OR1L3: variants seen among roughly 807,000 people sequenced by gnomAD.
OR1L3 encodes olfactory receptor family 1 subfamily L member 3.
For missense variants in OR1L3, 374 were observed against 386.4 expected (o/e 0.97, Z 0.27); for synonymous variants, 137 against 144.5 (o/e 0.95, Z 0.37).
Position 122,675,468 on chromosome 9 carries a change from T to C in OR1L3, c.339T>C (p.Tyr113=), listed in dbSNP as rs777895439. Residue 113 remains tyrosine (Y), a synonymous_variant, in exon 1 of 1, where the codon TAT becomes TAC. Transcript: ENST00000304820. ...TGGTTTTTGGAAACATAGATAGTTA[T>C]CTCCTGGCGGCTATGGCCATCAACC... The part of the protein sequence containing the change: ...FFLVFGNIDS[Y]LLAAMAINRC... The C allele has an allele frequency of 5.1e-5, 82 of 1,614,118 alleles. No individual in the cohort carries two copies. Among genetic ancestry groups the C allele is most frequent in the Non-Finnish European group, 6.5e-5 (77 of 1,180,048 alleles).
In OR1L3 at chr9:122,675,292, C is replaced by A; in HGVS notation, c.163C>A (p.Leu55Ile). Residue 55 changes from leucine to isoleucine, a missense_variant, in exon 1 of 1, where the codon CTT becomes ATT. Leu to Ile is a conservative substitution (Grantham distance 5). Transcript: ENST00000304820. ...IILAIHSDPR[L>I]QNPMYFFLSI... is the part of the protein sequence containing the mutation. ...CTTGGCTATCCACTCTGATCCTCGACTTCAAAACCCTATGTATTTTTTCCT... is the reference window on the plus strand; with the variant it reads ...CTTGGCTATCCACTCTGATCCTCGAATTCAAAACCCTATGTATTTTTTCCT... 3 of 1,614,176 alleles carry A rather than the reference C, an allele frequency of 1.9e-6. No homozygotes were observed. Among genetic ancestry groups the A allele is most frequent in the Non-Finnish European group, 1.7e-6 (2 of 1,180,022 alleles).
In OR1L3 at chr9:122,675,524, A is replaced by T; in HGVS notation, c.395A>T (p.Tyr132Phe). 3 of 1,614,178 alleles carry T rather than the reference A, an allele frequency of 1.9e-6. No individual in the cohort carries two copies. The highest frequency in any genetic ancestry group is 1.7e-6 in the Non-Finnish European group (2 of 1,180,018). Residue 132 changes from tyrosine to phenylalanine, a missense_variant, in exon 1 of 1, where the codon TAT becomes TTT. By Grantham distance (22) the Tyr-to-Phe change is conservative. Transcript: ENST00000304820. ...GTAGCCATTTGTAACCCATTCCATT[A>T]TGTCACTGTTATGAACCGCAGATGC... is the stretch of plus-strand genomic sequence containing the variant. ...RCVAICNPFHYVTVMNRRCCV... is the reference protein window; with the variant it reads ...RCVAICNPFHFVTVMNRRCCV...
In OR1L3 at chr9:122,675,412, G is replaced by A; in HGVS notation, c.283G>A (p.Ala95Thr). 1 of 1,614,204 alleles carries A rather than the reference G, an allele frequency of 6.2e-7. No individual in the cohort carries two copies. The highest frequency in any genetic ancestry group is 8.5e-7 in the Non-Finnish European group (1 of 1,180,034). ...ATCAGAGAAAAAGACCATTTCCTAT[G>A]CTGAATGTCTGGCACAGATGTATTT... ...FLSEKKTISY[A>T]ECLAQMYFFL... is the part of the protein sequence containing the mutation. The change falls in exon 1 of 1, where the codon GCT becomes ACT. Residue 95 changes from alanine to threonine, a missense_variant. Coordinates refer to ENST00000304820, the MANE Select transcript of OR1L3 (RefSeq NM_001005234.1).
At position 122,675,854 on chromosome 9, in the gene OR1L3, G is replaced by T; in HGVS notation, c.725G>T (p.Ser242Ile). The change falls in exon 1 of 1, where the codon AGC becomes ATC. Residue 242 changes from serine to isoleucine, a missense_variant. Transcript: ENST00000304820. ...AGKHKAFSTC[S>I]SHLTVVILFY... is the part of the protein sequence containing the mutation. ...AAACACAAAGCCTTCTCCACCTGCA[G>T]CTCCCATCTCACTGTGGTGATTCTG... The T allele has an allele frequency of 6.2e-7, 1 of 1,614,122 alleles. No individual in the cohort carries two copies. Among genetic ancestry groups the T allele is most frequent in the South Asian group, 1.1e-5 (1 of 91,072 alleles).
Position 122,675,458 on chromosome 9 carries a change from T to C in OR1L3, c.329T>C (p.Ile110Thr), listed in dbSNP as rs776030536. 2.5e-6 allele frequency: 4 copies of C among 1,614,210 alleles called. No individual in the cohort carries two copies. The highest frequency in any genetic ancestry group is 1.1e-5 in the South Asian group (1 of 91,092). The change falls in exon 1 of 1, where the codon ATA (isoleucine) becomes ACA (threonine). Residue 110 changes from isoleucine to threonine, a missense_variant. By Grantham distance (89) the Ile-to-Thr change is moderately conservative (BLOSUM62 -1). Transcript: ENST00000304820. Reference sequence around the variant, plus strand: ...TATTTCTTCCTGGTTTTTGGAAACATAGATAGTTATCTCCTGGCGGCTATG... The same window carrying C: ...TATTTCTTCCTGGTTTTTGGAAACACAGATAGTTATCTCCTGGCGGCTATG... ...QMYFFLVFGN[I>T]DSYLLAAMAI...
chr9:122,676,068 G>A lies in OR1L3; in HGVS notation c.939G>A (p.Arg313=). ...LINKIKSQMS[R]FSTKTNKICG... ...ACAAGATTAAGTCTCAAATGAGTAG[G>A]TTCTCTACAAAGACCAATAAAATCT... Residue 313 remains arginine, a synonymous_variant, in exon 1 of 1, where the codon AGG becomes AGA. Transcript: ENST00000304820. 1 of 1,598,030 alleles carries A rather than the reference G, an allele frequency of 6.3e-7. No homozygotes were observed. The highest frequency in any genetic ancestry group is 8.5e-7 in the Non-Finnish European group (1 of 1,174,748).
rs1830637825 is a variant in OR1L3, at chr9:122,675,333, T to G, written c.204T>G (p.Phe68Leu). 1 of 1,614,236 alleles carries G rather than the reference T, an allele frequency of 6.2e-7. No individual in the cohort carries two copies. The highest frequency in any genetic ancestry group is 2.2e-5 in the East Asian group (1 of 44,884). ...PMYFFLSILSFADICYTTVIV... is the reference protein window; with the variant it reads ...PMYFFLSILSLADICYTTVIV... ...ATTTTTTCCTAAGCATCTTGTCCTTTGCTGATATTTGCTACACAACAGTCA... is the reference window on the plus strand; with the variant it reads ...ATTTTTTCCTAAGCATCTTGTCCTTGGCTGATATTTGCTACACAACAGTCA... The change falls in exon 1 of 1, where the codon TTT becomes TTG. Residue 68 changes from phenylalanine (F) to leucine (L), a missense_variant. Transcript: ENST00000304820.
At position 122,676,037 on chromosome 9, in the gene OR1L3, T is replaced by A. The variant is rs1459983638; in HGVS notation, c.908T>A (p.Leu303Ter). 1.2e-6 allele frequency: 2 copies of A among 1,610,984 alleles called. No homozygotes were observed. The highest frequency in any genetic ancestry group is 1.7e-6 in the Non-Finnish European group (2 of 1,179,234). ...NKDMKRGLQKLINKIKSQMSR... is the reference protein window; with the variant it reads ...NKDMKRGLQK ...GACATGAAACGGGGCTTACAGAAAT[T>A]GATAAACAAGATTAAGTCTCAAATG... The change falls in exon 1 of 1, where the codon TTG becomes TAG. Residue 303 changes from leucine (L) to a stop codon, truncating the protein, a stop_gained. Transcript: ENST00000304820. LOFTEE classifies it low-confidence loss of function (END_TRUNC).
At position 122,676,066 on chromosome 9, in the gene OR1L3, A is replaced by G; in HGVS notation, c.937A>G (p.Arg313Gly). 6.2e-7 allele frequency: 1 copy of G among 1,600,798 alleles called. No homozygotes were observed. The highest frequency in any genetic ancestry group is 1.3e-5 in the African/African-American group (1 of 74,790). ...AAACAAGATTAAGTCTCAAATGAGT[A>G]GGTTCTCTACAAAGACCAATAAAAT... is the stretch of plus-strand genomic sequence containing the variant. Reference protein sequence around the residue: ...LINKIKSQMSRFSTKTNKICG... With the variant: ...LINKIKSQMSGFSTKTNKICG... Residue 313 changes from arginine (R) to glycine (G), a missense_variant, in exon 1 of 1, where the codon AGG becomes GGG. Arg to Gly is a moderately radical substitution (Grantham distance 125). Coordinates refer to ENST00000304820, the MANE Select transcript of OR1L3 (RefSeq NM_001005234.1).
At position 122,675,665 on chromosome 9, in the gene OR1L3, G is replaced by A. The variant is rs199763256; in HGVS notation, c.536G>A (p.Cys179Tyr). Residue 179 changes from cysteine (C) to tyrosine (Y), a missense_variant, in exon 1 of 1, where the codon TGT (cysteine) becomes TAT (tyrosine). Cys to Tyr is a radical substitution (Grantham distance 194). Coordinates refer to ENST00000304820, the MANE Select transcript of OR1L3 (RefSeq NM_001005234.1). ...CTSNVIHHFF[C>Y]DVNPVLKLSC... ...TCAAATGTTATCCATCATTTTTTTT[G>A]TGATGTCAACCCTGTGCTGAAACTG... 6.2e-7 allele frequency: 1 copy of A among 1,613,652 alleles called. No individual in the cohort carries two copies. The highest frequency in any genetic ancestry group is 2.2e-5 in the East Asian group (1 of 44,866).
rs1830647856 is a variant in OR1L3, at chr9:122,676,073, C to A, written c.944C>A (p.Ser315Tyr). The A allele has an allele frequency of 1.3e-6, 2 of 1,591,746 alleles. No individual in the cohort carries two copies. The highest frequency in any genetic ancestry group is 1.3e-5 in the African/African-American group (1 of 74,304). The change falls in exon 1 of 1, where the codon TCT (serine) becomes TAT (tyrosine). Residue 315 changes from serine (S) to tyrosine (Y), a missense_variant. Coordinates refer to ENST00000304820, the MANE Select transcript of OR1L3 (RefSeq NM_001005234.1). ...ATTAAGTCTCAAATGAGTAGGTTCT[C>A]TACAAAGACCAATAAAATCTGTGGA... is the stretch of plus-strand genomic sequence containing the variant. ...NKIKSQMSRF[S>Y]TKTNKICGP
rs548653902 is a variant in OR1L3, at chr9:122,675,584, C to A, written c.455C>A (p.Ser152Tyr). The A allele has an allele frequency of 1.2e-6, 2 of 1,614,170 alleles. No individual in the cohort carries two copies. Among genetic ancestry groups the A allele is most frequent in the Non-Finnish European group, 8.5e-7 (1 of 1,180,030 alleles). ...VLLLAFPITF[S>Y]YFHSLLHVLL... ...CTACTAGCATTCCCCATCACTTTCTCCTATTTCCACTCTCTCCTACATGTC... is the reference window on the plus strand; with the variant it reads ...CTACTAGCATTCCCCATCACTTTCTACTATTTCCACTCTCTCCTACATGTC... The change falls in exon 1 of 1, where the codon TCC becomes TAC. Residue 152 changes from serine to tyrosine, a missense_variant. Physicochemically the swap from Ser to Tyr is moderately radical, Grantham distance 144. Coordinates refer to ENST00000304820, the MANE Select transcript of OR1L3 (RefSeq NM_001005234.1).
At position 122,675,619 on chromosome 9, in the gene OR1L3, A is replaced by G. The variant is rs1206319604; in HGVS notation, c.490A>G (p.Asn164Asp). 1 of 1,614,086 alleles carries G rather than the reference A, an allele frequency of 6.2e-7. No homozygotes were observed. The highest frequency in any genetic ancestry group is 8.5e-7 in the Non-Finnish European group (1 of 1,180,040). Reference protein sequence around the residue: ...FHSLLHVLLVNRLTFCTSNVI... With the variant: ...FHSLLHVLLVDRLTFCTSNVI... ...CTCTCTCCTACATGTCCTCCTGGTG[A>G]ATCGGCTCACCTTTTGTACATCAAA... is the stretch of plus-strand genomic sequence containing the variant. The change falls in exon 1 of 1, where the codon AAT (asparagine) becomes GAT (aspartate). Residue 164 changes from asparagine (N) to aspartate (D), a missense_variant. Coordinates refer to ENST00000304820, the MANE Select transcript of OR1L3 (RefSeq NM_001005234.1).
At position 122,675,654 on chromosome 9, in the gene OR1L3, T is replaced by A; in HGVS notation, c.525T>A (p.His175Gln). ...CCTTTTGTACATCAAATGTTATCCA[T>A]CATTTTTTTTGTGATGTCAACCCTG... is the stretch of plus-strand genomic sequence containing the variant. ...RLTFCTSNVIHHFFCDVNPVL... is the reference protein window; with the variant it reads ...RLTFCTSNVIQHFFCDVNPVL... The change falls in exon 1 of 1, where the codon CAT (histidine) becomes CAA (glutamine). Residue 175 changes from histidine to glutamine, a missense_variant. Transcript: ENST00000304820. 6.2e-7 allele frequency: 1 copy of A among 1,613,862 alleles called. No individual in the cohort carries two copies. Among genetic ancestry groups the A allele is most frequent in the African/African-American group, 1.3e-5 (1 of 74,810 alleles).
chr9:122,675,629 C>T lies in OR1L3; in HGVS notation c.500C>T (p.Thr167Ile), dbSNP rs139225553. 274 of 1,614,174 alleles carry T rather than the reference C, an allele frequency of 1.7e-4. 2 individuals carry two copies. In the African/African-American group the frequency reaches 3.4e-3, roughly 20 times the overall value. The part of the protein sequence containing the change: ...LLHVLLVNRL[T>I]FCTSNVIHHF... ...CATGTCCTCCTGGTGAATCGGCTCA[C>T]CTTTTGTACATCAAATGTTATCCAT... The change falls in exon 1 of 1, where the codon ACC becomes ATC. Residue 167 changes from threonine to isoleucine, a missense_variant. Physicochemically the swap from Thr to Ile is moderately conservative, Grantham distance 89 (BLOSUM62 -1). Coordinates refer to ENST00000304820, the MANE Select transcript of OR1L3 (RefSeq NM_001005234.1).
In OR1L3 at chr9:122,675,964, G is replaced by C. The variant is rs765864346; in HGVS notation, c.835G>C (p.Val279Leu). The C allele has an allele frequency of 6.2e-7, 1 of 1,614,164 alleles. No individual in the cohort carries two copies. The part of the protein sequence containing the change: ...KDRIATINYT[V>L]LTSVLNPFIY... The stretch of plus-strand genomic sequence containing the variant: ...CCGAATAGCAACAATCAACTACACT[G>C]TGTTGACATCAGTGTTGAACCCATT... The change falls in exon 1 of 1, where the codon GTG becomes CTG. Residue 279 changes from valine (V) to leucine (L), a missense_variant. Physicochemically the swap from Val to Leu is conservative, Grantham distance 32. Transcript: ENST00000304820.
rs1269297691 is a variant in OR1L3 at position 122,675,860 on chromosome 9, A to G, written c.731A>G (p.His244Arg). Residue 244 changes from histidine (H) to arginine (R), a missense_variant, in exon 1 of 1, where the codon CAT (histidine) becomes CGT (arginine). By Grantham distance (29) the His-to-Arg change is conservative (BLOSUM62 0). Coordinates refer to ENST00000304820, the MANE Select transcript of OR1L3 (RefSeq NM_001005234.1). Reference protein sequence around the residue: ...KHKAFSTCSSHLTVVILFYGS... With the variant: ...KHKAFSTCSSRLTVVILFYGS... ...AAAGCCTTCTCCACCTGCAGCTCCCATCTCACTGTGGTGATTCTGTTTTAT... is the reference window on the plus strand; with the variant it reads ...AAAGCCTTCTCCACCTGCAGCTCCCGTCTCACTGTGGTGATTCTGTTTTAT... 3.4e-5 allele frequency: 55 copies of G among 1,613,902 alleles called. No individual in the cohort carries two copies. Among genetic ancestry groups the G allele is most frequent in the Non-Finnish European group, 4.2e-5 (50 of 1,180,014 alleles).
rs576705691 is a variant in OR1L3, at chr9:122,675,608, T to A, written c.479T>A (p.Val160Asp). The A allele has an allele frequency of 6.2e-7, 1 of 1,614,204 alleles. No homozygotes were observed. The highest frequency in any genetic ancestry group is 1.1e-5 in the South Asian group (1 of 91,090). ...TCCTATTTCCACTCTCTCCTACATGTCCTCCTGGTGAATCGGCTCACCTTT... is the reference window on the plus strand; with the variant it reads ...TCCTATTTCCACTCTCTCCTACATGACCTCCTGGTGAATCGGCTCACCTTT... ...TFSYFHSLLH[V>D]LLVNRLTFCT... The change falls in exon 1 of 1, where the codon GTC becomes GAC. Residue 160 changes from valine to aspartate, a missense_variant. Transcript: ENST00000304820.
Position 122,675,618 on chromosome 9 carries a change from G to A in OR1L3, c.489G>A (p.Val163=), listed in dbSNP as rs1285530424. The change falls in exon 1 of 1, where the codon GTG becomes GTA. Residue 163 remains valine (V), a synonymous_variant. Transcript: ENST00000304820. The part of the protein sequence containing the change: ...YFHSLLHVLL[V]NRLTFCTSNV... ...ACTCTCTCCTACATGTCCTCCTGGT[G>A]AATCGGCTCACCTTTTGTACATCAA... The A allele has an allele frequency of 1.2e-6, 2 of 1,614,034 alleles. No individual in the cohort carries two copies. The highest frequency in any genetic ancestry group is 1.7e-6 in the Non-Finnish European group (2 of 1,180,028).
Sources: gnomAD v4.1 joint callset for allele counts on GRCh38, gnomAD v4.1.1 for gene constraint, MANE v1.5 for transcripts, NCBI Gene and HGNC (gene_info 2026-07-23, HGNC 2026-07-21) for gene names.